SLC12A7: variants seen among roughly 807,000 people sequenced by gnomAD.
The protein encoded by SLC12A7 is solute carrier family 12 member 7, also known as K-Cl cotransporter 4.
Under a neutral mutation model 120.6 loss-of-function variants are expected in SLC12A7, and 100 were observed. That is an observed-to-expected ratio of 0.83 (90% CI 0.71 to 0.98). The LOEUF is 0.98. SLC12A7 is among the 50% of genes least tolerant of loss of function. The probability of loss-of-function intolerance (pLI) is 0.00; values close to 1 mark genes in which losing one functional copy is unlikely to be tolerated. For synonymous variants in SLC12A7, 760 were observed against 678.0 expected (o/e 1.12, Z -1.88); for missense variants, 1,373 against 1,548.1 (o/e 0.89, Z 1.90).
intron 20 of SLC12A7, among the ~76,000 whole-genome samples, chr5:1,061,565 G>A (rs1332186862): frequency 2.0e-5 from 3 of 150,956 alleles, no homozygotes; most frequent in Non-Finnish European, 4.4e-5. Flanking sequence ...CTCACCCACC[G>A]CACCCGCCGT....
intron 21 of SLC12A7, among the ~76,000 whole-genome samples, chr5:1,060,125 C>T (rs76676867): frequency 0.016 from 2,407 of 152,340 alleles, 80 homozygotes; most frequent in African/African-American, 0.055. Context: ...GGCACCCGCA[C>T]GCCCAGGCTC....
Position 1,078,719 on chromosome 5 carries a change from C to T in SLC12A7, c.1436G>A (p.Gly479Asp), listed in dbSNP as rs754802589. ...CIVLFGACIE[G>D]VVLRDKFGEA... Reference sequence around the variant, plus strand: ...AACGTACTTATCTCGTAAGACCACGCCTTCAATGCAGGCCCCAAACAGCAC... The same window carrying T: ...AACGTACTTATCTCGTAAGACCACGTCTTCAATGCAGGCCCCAAACAGCAC... Residue 479 changes from glycine to aspartate, a missense_variant, in exon 11 of 24, where the codon GGC becomes GAC. By Grantham distance (94) the Gly-to-Asp change is moderately conservative. Transcript: ENST00000264930. The T allele has an allele frequency of 1.2e-6, 2 of 1,612,322 alleles. No homozygotes were observed. Among genetic ancestry groups the T allele is most frequent in the South Asian group, 1.1e-5 (1 of 91,030 alleles).
chr5:1,147,247 G>GCCCCCGCCCCCCCCCC, the SLC12A7 span, among the ~76,000 whole-genome samples: 1 of 75,306 alleles, frequency 1.3e-5, no homozygotes, highest in Non-Finnish European at 3.1e-5. Flanking sequence ...GGCCCACCCC[G>GCCCCCGCCCCCCCCCC]CCACCCCCCC....
chr5:1,147,844 G>A, the SLC12A7 span, among the ~76,000 whole-genome samples: 3 of 152,024 alleles, frequency 2.0e-5, no homozygotes, highest in African/African-American at 4.8e-5. Flanking sequence ...CCGGACTGGA[G>A]CCTCAGCTTC....
rs776919010 is a variant in SLC12A7 at position 1,079,409 on chromosome 5, G to A, written c.1385C>T (p.Thr462Met). The change falls in exon 10 of 24, where the codon ACG becomes ATG. Residue 462 changes from threonine to methionine, a missense_variant. By Grantham distance (81) the Thr-to-Met change is moderately conservative. Transcript: ENST00000264930. The stretch of plus-strand genomic sequence containing the variant: ...CCCTCCAAGGATACAGATGAAAGAC[G>A]TCGTCACTATGGCCAGGATGGTCCC... The part of the protein sequence containing the change: ...PTGTILAIVT[T>M]SFIYLSCIVL... 1.6e-5 allele frequency: 25 copies of A among 1,612,318 alleles called. No homozygotes were observed. Among genetic ancestry groups the A allele is most frequent in the Non-Finnish European group, 1.9e-5 (23 of 1,179,590 alleles).
chr5:1,086,466 G>A (rs1739867697), intron 6 of SLC12A7, among the ~76,000 whole-genome samples: 1 of 152,228 alleles, frequency 6.6e-6, no homozygotes, highest in Admixed American at 6.5e-5. Flanking sequence ...TTTTGAGAAG[G>A]TGATGACATC....
the SLC12A7 span, among the ~76,000 whole-genome samples, chr5:1,134,279 G>A: frequency 6.6e-6 from 1 of 152,230 alleles, no homozygotes; most frequent in South Asian, 2.1e-4. Context: ...AGACCAGCCT[G>A]GCCAACATGA....
the SLC12A7 span, among the ~76,000 whole-genome samples, chr5:1,135,136 A>G: frequency 6.6e-6 from 1 of 152,102 alleles, no homozygotes; most frequent in Non-Finnish European, 1.5e-5. Context: ...CAAACAAAAG[A>G]CATTCACCTT....
In SLC12A7 at chr5:1,087,113, C is replaced by T. The variant is rs537018216; in HGVS notation, c.545-80G>A. 79 of 1,483,728 alleles carry T rather than the reference C, an allele frequency of 5.3e-5. 1 individual carries two copies. The highest frequency in any genetic ancestry group is 2.7e-4 in the East Asian group (11 of 40,458). The allele number at this position is 1,483,728 out of a possible 1,614,324, so 91.9% of individuals were successfully genotyped here. On this transcript the variant is annotated intron_variant, in intron 5 of 23. Coordinates refer to ENST00000264930, the MANE Select transcript of SLC12A7 (RefSeq NM_006598.3). ...GAGGTGCGGTCTGCGCTGCCATTCA[C>T]GGGCAAAGGAGGGCCTGTCTCTGCG...
rs763536680 is a variant in SLC12A7, at chr5:1,063,868, G to C, written c.2715C>G (p.Ser905Arg). Residue 905 changes from serine (S) to arginine (R), a missense_variant, in exon 20 of 24, where the codon AGC (serine) becomes AGG (arginine). Coordinates refer to ENST00000264930, the MANE Select transcript of SLC12A7 (RefSeq NM_006598.3). ...CCATCTCCACCACCTCCACCTCGGC[G>C]CTGATGCGCAAGTGGTACAAGAACA... is the stretch of plus-strand genomic sequence containing the variant. ...LQMFLYHLRISAEVEVVEMVE... is the reference protein window; with the variant it reads ...LQMFLYHLRIRAEVEVVEMVE... 4 of 1,593,360 alleles carry C rather than the reference G, an allele frequency of 2.5e-6. No homozygotes were observed. In the South Asian group the frequency reaches 4.4e-5, roughly 18 times the overall value.
chr5:1,140,150 C>A, the SLC12A7 span, among the ~76,000 whole-genome samples: 1 of 152,200 alleles, frequency 6.6e-6, no homozygotes, highest in Admixed American at 6.5e-5. Flanking sequence ...CCCCCAGAAA[C>A]GCTGTTTCCC....
the SLC12A7 span, among the ~76,000 whole-genome samples, chr5:1,145,549 G>A: frequency 6.6e-6 from 1 of 152,214 alleles, no homozygotes; most frequent in Non-Finnish European, 1.5e-5. The surrounding 1 kb of genome is among the most constrained non-coding windows in gnomAD (Gnocchi z 4.4). Context: ...ACCTTTCCAG[G>A]ACCAGCCAGG....
chr5:1,139,700 G>T, the SLC12A7 span, among the ~76,000 whole-genome samples: 19 of 152,244 alleles, frequency 1.2e-4, no homozygotes, highest in Non-Finnish European at 2.5e-4. Context: ...TTGACCCTGG[G>T]GTGGCCACGG....
At chr5:1,091,386 G>A (rs1340297984) in intron 3 of SLC12A7, among the ~76,000 whole-genome samples, 1 of 152,234 alleles carries the variant, frequency 6.6e-6, no homozygotes, top group Non-Finnish European at 1.5e-5. Context: ...TGGATGTCCA[G>A]GCCAGTGGTG....
chr5:1,099,596 C>T (rs533948472), intron 1 of SLC12A7, among the ~76,000 whole-genome samples: 1 of 152,314 alleles, frequency 6.6e-6, no homozygotes, highest in Non-Finnish European at 1.5e-5. Context: ...ACTCGCCTCC[C>T]CTCCCTCCTC....
At chr5:1,093,729 G>C in intron 2 of SLC12A7, 74 bp from the exon 3 acceptor site, 1 of 1,593,088 alleles carries the variant, frequency 6.3e-7, no homozygotes, top group Non-Finnish European at 8.6e-7. Context: ...CCCGTGTTCA[G>C]GGTGTGGAGC....
the SLC12A7 span, among the ~76,000 whole-genome samples, chr5:1,131,378 G>C: frequency 1.4e-4 from 21 of 152,222 alleles, no homozygotes; most frequent in African/African-American, 3.6e-4. Context: ...TGAAGGGTGT[G>C]GGGGAGGGAG....
intron 3 of SLC12A7, among the ~76,000 whole-genome samples, chr5:1,092,062 G>C (rs1740582443): frequency 6.6e-6 from 1 of 152,238 alleles, no homozygotes; most frequent in Non-Finnish European, 1.5e-5. Context: ...ATCAGGCCAG[G>C]CCCCACCCCA....
In SLC12A7 at chr5:1,111,941, G is replaced by T; in HGVS notation, c.51C>A (p.Gly17=). 2 of 1,290,386 alleles carry T rather than the reference G, an allele frequency of 1.5e-6. No homozygotes were observed. Among genetic ancestry groups the T allele is most frequent in the Non-Finnish European group, 2.0e-6 (2 of 1,018,620 alleles). The allele number at this position is 1,290,386 out of a possible 1,614,324, so 79.9% of individuals were successfully genotyped here. ...VVPVEAHADG[G]GDETAERTEA... ...CCGTCCGCTCGGCAGTCTCGTCCCC[G>T]CCGCCGTCGGCGTGAGCCTCCACGG... is the stretch of plus-strand genomic sequence containing the variant. Residue 17 remains glycine (G), a synonymous_variant, in exon 1 of 24, where the codon GGC becomes GGA. Transcript: ENST00000264930.
Sources: gnomAD v4.1 joint callset for allele counts (sites outside exome capture counted in the v4.1 genomes callset) on GRCh38, gnomAD v4.1.1 for gene constraint, Gnocchi (gnomAD v3.1) non-coding constraint, MANE v1.5 for transcripts, NCBI Gene and HGNC (gene_info 2026-07-23, HGNC 2026-07-21) for gene names.